SLC6A13: variants seen among roughly 807,000 people sequenced by gnomAD.
The protein encoded by SLC6A13 is solute carrier family 6 member 13.
SLC6A13 carries 69 observed loss-of-function variants against 72.9 expected under a neutral mutation model. The observed-to-expected ratio is 0.95, with a 90% CI of 0.78 to 1.16. SLC6A13 has a LOEUF of 1.16. Ranked by LOEUF, SLC6A13 falls within the 50% of genes most tolerant of loss-of-function variation. The pLI is 0.00. For synonymous variants in SLC6A13, 303 were observed against 303.0 expected (o/e 1.00, Z 0.00); for missense variants, 735 against 760.5 (o/e 0.97, Z 0.39).
At chr12:228,693 C>T in intron 7 of SLC6A13, among the ~76,000 whole-genome samples, 1 of 152,166 alleles carries the variant, frequency 6.6e-6, no homozygotes, top group East Asian at 1.9e-4. Flanking sequence ...CAGCCCCTAC[C>T]CCTTGCTCCC....
At chr12:223,796 G>A (rs1226900063) in intron 11 of SLC6A13, 196 bp downstream of exon 11, 14 of 593,556 alleles carry the variant, frequency 2.4e-5, no homozygotes, top group Non-Finnish European at 4.2e-5. Flanking sequence ...CCTGGAGGTG[G>A]GTGGTCCATG....
chr12:246,576 T>A (rs983414937), intron 2 of SLC6A13, among the ~76,000 whole-genome samples: 1 of 152,128 alleles, frequency 6.6e-6, no homozygotes. Context: ...CAAATAAAAC[T>A]TCTGAACATG....
chr12:247,773 T>C (rs1359999115), intron 2 of SLC6A13, among the ~76,000 whole-genome samples: 1 of 152,120 alleles, frequency 6.6e-6, no homozygotes, highest in African/African-American at 2.4e-5. Context: ...AACAATGTAA[T>C]ATTGATTTTA....
Position 235,204 on chromosome 12 carries a change from T to C in SLC6A13, c.717A>G (p.Thr239=). The C allele has an allele frequency of 6.2e-7, 1 of 1,614,136 alleles. No homozygotes were observed. The highest frequency in any genetic ancestry group is 8.5e-7 in the Non-Finnish European group (1 of 1,180,014). The change falls in exon 7 of 15, where the codon ACA becomes ACG. Residue 239 remains threonine, a synonymous_variant. Transcript: ENST00000343164. ...STGKVVYFTA[T]FPYLMLVVLL... ...GGACCACCAGCATGAGGTAAGGAAA[T>C]GTGGCCGTGAAGTACACCACCTGGT...
At chr12:235,530 C>G (rs997709532) in intron 6 of SLC6A13, among the ~76,000 whole-genome samples, 1 of 152,060 alleles carries the variant, frequency 6.6e-6, no homozygotes, top group African/African-American at 2.4e-5. Flanking sequence ...ATCCTGTTAT[C>G]TTCATAAGCT....
At chr12:221,585 G>T (rs1157854059) in intron 13 of SLC6A13, 39 bp from the exon 14 acceptor site, 5 of 1,367,050 alleles carry the variant, frequency 3.7e-6, no homozygotes, top group Non-Finnish European at 5.0e-6. Context: ...TTGGGGGGCG[G>T]GGGCCTTGTG....
At chr12:229,773 C>T (rs948293425) in intron 7 of SLC6A13, among the ~76,000 whole-genome samples, 3 of 152,168 alleles carry the variant, frequency 2.0e-5, no homozygotes, top group Non-Finnish European at 4.4e-5. Context: ...AAACACGCCG[C>T]GGCTGCCCAC....
intron 2 of SLC6A13, among the ~76,000 whole-genome samples, chr12:253,161 G>A (rs1003035430): frequency 6.6e-6 from 1 of 152,230 alleles, no homozygotes; most frequent in Non-Finnish European, 1.5e-5. Context: ...AGATAGGAGA[G>A]ACCATATCCC....
chr12:223,863 G>C (rs1941323663), intron 11 of SLC6A13, 129 bp downstream of exon 11: 1 of 1,021,554 alleles, frequency 9.8e-7, no homozygotes, highest in Non-Finnish European at 1.5e-6. Context: ...GGGGAAAAGA[G>C]GGAGTCCTAG....
intron 2 of SLC6A13, among the ~76,000 whole-genome samples, chr12:257,744 C>G (rs937724141): frequency 6.6e-6 from 1 of 152,108 alleles, no homozygotes; most frequent in Non-Finnish European, 1.5e-5. Context: ...GACAAAGGAC[C>G]GGGGAGAGTC....
rs757051798 is a variant in SLC6A13, at chr12:224,101, G to A, written c.1202C>T (p.Ala401Val). Residue 401 changes from alanine to valine, a missense_variant, in exon 11 of 15, where the codon GCG (alanine) becomes GTG (valine). Coordinates refer to ENST00000343164, the MANE Select transcript of SLC6A13 (RefSeq NM_016615.5). ...CACGTGAGGGTACATGTCCACCAGC[G>A]CTGTCACCAGGCTTTCTACACACAC... is the stretch of plus-strand genomic sequence containing the variant. ...QFVCVESLVTALVDMYPHVFR... is the reference protein window; with the variant it reads ...QFVCVESLVTVLVDMYPHVFR... 189 of 1,614,024 alleles carry A rather than the reference G, an allele frequency of 1.2e-4. No individual in the cohort carries two copies. The highest frequency in any genetic ancestry group is 1.3e-4 in the Non-Finnish European group (154 of 1,180,026).
At chr12:246,677 A>G (rs928362263) in intron 2 of SLC6A13, among the ~76,000 whole-genome samples, 1 of 152,210 alleles carries the variant, frequency 6.6e-6, no homozygotes, top group African/African-American at 2.4e-5. Context: ...ACCTTGAACC[A>G]TAATAGAAAC....
chr12:227,437 A>G, intron 8 of SLC6A13, 128 bp downstream of exon 8: 1 of 1,496,880 alleles, frequency 6.7e-7, no homozygotes. Flanking sequence ...GGGGTGTTGG[A>G]TATGGGGGTG....
At chr12:260,939 A>G (rs1021234905) in intron 1 of SLC6A13, among the ~76,000 whole-genome samples, 2 of 152,166 alleles carry the variant, frequency 1.3e-5, no homozygotes, top group African/African-American at 4.8e-5. Context: ...AAATCCTGTC[A>G]AAGGATTGGG....
intron 8 of SLC6A13, 119 bp downstream of exon 8, chr12:227,445 GT>G: frequency 1.3e-6 from 2 of 1,519,124 alleles, no homozygotes; most frequent in Non-Finnish European, 1.8e-6. Flanking sequence ...GGATATGGGG[GT>G]GTAGACAGGG....
At chr12:247,486 T>C (rs1942395568) in intron 2 of SLC6A13, among the ~76,000 whole-genome samples, 1 of 152,208 alleles carries the variant, frequency 6.6e-6, no homozygotes, top group Non-Finnish European at 1.5e-5. Flanking sequence ...CGGAATTCTA[T>C]ACCCAGCAAT....
At chr12:248,890 C>A (rs1942448275) in intron 2 of SLC6A13, among the ~76,000 whole-genome samples, 1 of 152,042 alleles carries the variant, frequency 6.6e-6, no homozygotes, top group Non-Finnish European at 1.5e-5. Context: ...TATCCTGGAC[C>A]AGAGATCAAA....
rs575337142 is a variant in SLC6A13, at chr12:254,017, C to T, written c.202+5834G>A. Among the ~76,000 whole-genome samples, 1 of 152,342 alleles carries T rather than the reference C, an allele frequency of 6.6e-6. No homozygotes were observed. Among genetic ancestry groups the T allele is most frequent in the South Asian group, 2.1e-4 (1 of 4,832 alleles). On this transcript the variant is annotated intron_variant, in intron 2 of 14. Transcript: ENST00000343164. This position sits in a 1 kb window ranked among gnomAD's most constrained non-coding sequence, Gnocchi z 4.4. ...GCTATGGACAGTCCTATGACCAGAA[C>T]CCTCTCCCGCTACCTTCTTCCCACA... is the stretch of plus-strand genomic sequence containing the variant.
intron 2 of SLC6A13, among the ~76,000 whole-genome samples, chr12:246,776 G>C (rs1942365185): frequency 6.6e-6 from 1 of 152,146 alleles, no homozygotes; most frequent in African/African-American, 2.4e-5. Flanking sequence ...GGGAAGCCGA[G>C]GCAGGTGGAT....
Sources: allele counts gnomAD v4.1 joint callset (sites outside exome capture counted in the v4.1 genomes callset), GRCh38; gene constraint gnomAD v4.1.1; non-coding constraint Gnocchi (gnomAD v3.1); transcripts MANE v1.5; gene names NCBI Gene and HGNC (gene_info 2026-07-23, HGNC 2026-07-21).